Variants in SMAD7 observed in about 807,000 individuals in gnomAD.
SMAD7 encodes the protein SMAD family member 7.
SMAD7 carries 8 observed loss-of-function variants against 38.7 expected under a neutral mutation model. That is an observed-to-expected ratio of 0.21 (90% CI 0.12 to 0.37). The LOEUF is 0.37. Among genes scored for constraint, SMAD7 ranks in the 10% least tolerant of loss-of-function variants. The pLI is 1.00. For synonymous variants in SMAD7, 327 were observed against 265.1 expected (o/e 1.23, Z -2.27); for missense variants, 477 against 577.9 (o/e 0.83, Z 1.79).
At chr18:48,933,793 A>T (rs1204490870) in intron 3 of SMAD7, 2 of 152,294 alleles carry the variant, frequency 1.3e-5, no homozygotes, top group Non-Finnish European at 2.9e-5. Context: ...TGCCCACAGC[A>T]TTCTGCTTTG....
intron 2 of SMAD7, 100 bp downstream of exon 2, chr18:48,948,284 A>G (rs1293651747): frequency 5.4e-6 from 4 of 736,642 alleles, no homozygotes; most frequent in African/African-American, 1.8e-5. Context: ...CGTGAAGCCC[A>G]GCACCTCCCC....
intron 3 of SMAD7, chr18:48,933,676 G>A (rs528552351): frequency 2.0e-5 from 3 of 152,620 alleles, no homozygotes; most frequent in African/African-American, 7.2e-5. Flanking sequence ...GGACACAAGA[G>A]GGAAGCCCTG....
chr18:48,929,569 T>TCACACACACACACACA (rs1555716118), intron 3 of SMAD7, among the ~76,000 whole-genome samples: 1,156 of 114,600 alleles, frequency 0.01, 9 homozygotes, highest in Admixed American at 0.016. Flanking sequence ...TCTCTCTCTC[T>TCACACACACACACACA]CACTCACACA....
intron 3 of SMAD7, among the ~76,000 whole-genome samples, chr18:48,935,810 G>A (rs1235976518): frequency 6.6e-6 from 1 of 152,138 alleles, no homozygotes; most frequent in Non-Finnish European, 1.5e-5. Flanking sequence ...CAGGCGTGGT[G>A]GTACACGCCT....
intron 3 of SMAD7, among the ~76,000 whole-genome samples, chr18:48,926,212 C>T (rs577408987): frequency 3.3e-5 from 5 of 152,272 alleles, no homozygotes; most frequent in East Asian, 3.9e-4. Flanking sequence ...TATGAGAACA[C>T]GGGCACGCGT....
chr18:48,939,941 A>G (rs928500594), intron 3 of SMAD7, among the ~76,000 whole-genome samples: 15 of 142,814 alleles, frequency 1.1e-4, no homozygotes, highest in African/African-American at 3.7e-4. Flanking sequence ...GCCACCCCCC[A>G]TGGAACGATC....
chr18:48,928,885 C>T (rs2069959856), intron 3 of SMAD7, among the ~76,000 whole-genome samples: 1 of 152,112 alleles, frequency 6.6e-6, no homozygotes, highest in South Asian at 2.1e-4. Context: ...GGGAGGAAAG[C>T]CACACAAATC....
At chr18:48,929,207 ACCC>A (rs1259740367) in intron 3 of SMAD7, among the ~76,000 whole-genome samples, 1 of 151,968 alleles carries the variant, frequency 6.6e-6, no homozygotes, top group African/African-American at 2.4e-5. Context: ...TCCCACTGTT[ACCC>A]CCCAAGTAAC....
intron 3 of SMAD7, among the ~76,000 whole-genome samples, chr18:48,932,572 G>C (rs201927805): frequency 6.6e-6 from 1 of 152,276 alleles, no homozygotes; most frequent in East Asian, 1.9e-4. Context: ...GGGGCTTCAC[G>C]GAGGAGCGAG....
intron 3 of SMAD7, among the ~76,000 whole-genome samples, chr18:48,933,365 C>A (rs1374915038): frequency 6.6e-6 from 1 of 152,228 alleles, no homozygotes; most frequent in East Asian, 1.9e-4. Context: ...CCCGCCGGCT[C>A]CATCCCCATG....
chr18:48,945,211 A>G lies in SMAD7; in HGVS notation c.668-2656T>C, dbSNP rs955546493. ...TGCAGTGGCTCACGCCTGTAATCCC[A>G]GCACTTTGGGAAGCAGAGGTGGGCA... On this transcript the variant is annotated intron_variant, in intron 2 of 3. Coordinates refer to ENST00000262158, the MANE Select transcript of SMAD7 (RefSeq NM_005904.4). Among the ~76,000 whole-genome samples the G allele has an allele frequency of 1.8e-4, 27 of 152,250 alleles. No individual in the cohort carries two copies. In the South Asian group the frequency reaches 2.5e-3, roughly 14 times the overall value.
intron 3 of SMAD7, among the ~76,000 whole-genome samples, chr18:48,923,859 A>G (rs937962681): frequency 1.3e-5 from 2 of 152,240 alleles, no homozygotes; most frequent in African/African-American, 4.8e-5. Flanking sequence ...GTACTGGAAC[A>G]TATGGAAAAC....
At chr18:48,948,482 A>C (rs535345006) in intron 1 of SMAD7, 45 bp from the exon 2 acceptor site, 30 of 1,379,220 alleles carry the variant, frequency 2.2e-5, no homozygotes, top group Admixed American at 1.6e-4. Flanking sequence ...AGCCATGAGA[A>C]GAGAGATAGA....
intron 3 of SMAD7, among the ~76,000 whole-genome samples, chr18:48,929,901 A>G (rs1386885658): frequency 6.6e-6 from 1 of 152,030 alleles, no homozygotes; most frequent in Non-Finnish European, 1.5e-5. Context: ...CTGTCCGAAG[A>G]CATGGAAAAA....
intron 3 of SMAD7, among the ~76,000 whole-genome samples, chr18:48,937,083 TA>T (rs1191578267): frequency 0.023 from 3,290 of 141,700 alleles, 100 homozygotes; most frequent in African/African-American, 0.07. Context: ...CATCTCGAAT[TA>T]AAAAAAAAAA....
Position 48,942,481 on chromosome 18 carries a change from C to A in SMAD7, c.742G>T (p.Asp248Tyr), listed in dbSNP as rs2070151913. The A allele has an allele frequency of 6.4e-7, 1 of 1,570,000 alleles. No homozygotes were observed. The highest frequency in any genetic ancestry group is 1.2e-5 in the South Asian group (1 of 84,816). The change falls in exon 3 of 4, where the codon GAT becomes TAT. Residue 248 changes from aspartate to tyrosine, a missense_variant and splice_region_variant. By Grantham distance (160) the Asp-to-Tyr change is radical. Around this residue, in one of 2 missense-constraint regions of SMAD7, gnomAD observed 376 missense variants for 379.4 expected, o/e 0.99. Coordinates refer to ENST00000262158, the MANE Select transcript of SMAD7 (RefSeq NM_005904.4). Reference sequence around the variant, plus strand: ...AGGAAAATAAGAGAAAGCATCTTACCTGAAAGCCCCCCAGGGGCCAGATAA... The same window carrying A: ...AGGAAAATAAGAGAAAGCATCTTACATGAAAGCCCCCCAGGGGCCAGATAA... The part of the protein sequence containing the change: ...TNYLAPGGLS[D>Y]SQLLLEPGDR...
chr18:48,938,254 G>T (rs1422743795), intron 3 of SMAD7, among the ~76,000 whole-genome samples: 1 of 152,174 alleles, frequency 6.6e-6, no homozygotes, highest in African/African-American at 2.4e-5. Context: ...ATGCTGAATG[G>T]ATACTGACTC....
intron 3 of SMAD7, among the ~76,000 whole-genome samples, chr18:48,925,630 T>C (rs1306314566): frequency 3.9e-5 from 6 of 152,308 alleles, no homozygotes; most frequent in African/African-American, 1.4e-4. Context: ...GACCAGACCC[T>C]TCCAGGAGAC....
chr18:48,934,047 A>G (rs1232471545), intron 3 of SMAD7, among the ~76,000 whole-genome samples: 1 of 152,182 alleles, frequency 6.6e-6, no homozygotes, highest in Non-Finnish European at 1.5e-5. Flanking sequence ...GCCCTGTGTC[A>G]TTAGAACAAT....
Sources: gnomAD v4.1 joint callset for allele counts (sites outside exome capture counted in the v4.1 genomes callset) on GRCh38, gnomAD v4.1.1 for gene constraint, gnomAD v4.1.1 regional missense constraint, MANE v1.5 for transcripts, NCBI Gene and HGNC (gene_info 2026-07-23, HGNC 2026-07-21) for gene names.